NRXN3: variants seen among roughly 807,000 people sequenced by gnomAD.
NRXN3 encodes the protein neurexin 3.
In NRXN3, 32 loss-of-function variants were observed where a neutral mutation model predicts 137.6. The observed-to-expected ratio is 0.23, with a 90% confidence interval of 0.18 to 0.31. The LOEUF (loss-of-function observed/expected upper bound fraction) is 0.31, where lower values mean the gene tolerates loss of function less well. Ranked by LOEUF, NRXN3 falls within the 10% of genes least tolerant of loss-of-function variation. The pLI, the probability that NRXN3 is intolerant of heterozygous loss-of-function variation, is 1.00. For synonymous variants in NRXN3, 798 were observed against 784.5 expected (o/e 1.02, Z -0.29); for missense variants, 1,574 against 2,062.5 (o/e 0.76, Z 4.59).
chr14:79,716,194 G>T (rs553484506), intron 19 of NRXN3, among the ~76,000 whole-genome samples: 3 of 152,298 alleles, frequency 2.0e-5, no homozygotes, highest in Admixed American at 1.3e-4. Context: ...CAAAGGTGCA[G>T]ATCCCCTTAG....
At chr14:79,846,661 A>C (rs1231269759) in intron 20 of NRXN3, among the ~76,000 whole-genome samples, 1 of 152,184 alleles carries the variant, frequency 6.6e-6, no homozygotes, top group African/African-American at 2.4e-5. Context: ...ATTCTATCCC[A>C]AAATCTCTAT....
intron 16 of NRXN3, among the ~76,000 whole-genome samples, chr14:79,547,746 C>T (rs533956184): frequency 6.6e-6 from 1 of 152,114 alleles, no homozygotes; most frequent in Non-Finnish European, 1.5e-5. Flanking sequence ...CATTGGGAGG[C>T]TTATAAATTT....
At chr14:79,271,445 TTTCCC>T (rs2079296675) in intron 15 of NRXN3, among the ~76,000 whole-genome samples, 2 of 143,246 alleles carry the variant, frequency 1.4e-5, no homozygotes, top group Admixed American at 6.9e-5. Context: ...TTCCCCTTTT[TTTCCC>T]TTCCCTTCCC....
chr14:78,591,464 C>T (rs901956847), intron 4 of NRXN3, among the ~76,000 whole-genome samples: 2 of 152,040 alleles, frequency 1.3e-5, no homozygotes, highest in African/African-American at 4.8e-5. Flanking sequence ...GACCTGAGCT[C>T]TAGCCCCAGC....
chr14:79,385,921 A>ACT (rs1050545967), intron 15 of NRXN3, among the ~76,000 whole-genome samples: 2 of 151,880 alleles, frequency 1.3e-5, no homozygotes, highest in African/African-American at 4.8e-5. Flanking sequence ...CATGCTAAAA[A>ACT]CTCAATAAAT....
intron 4 of NRXN3, among the ~76,000 whole-genome samples, chr14:78,344,728 TATC>T (rs2153585065): frequency 6.6e-6 from 1 of 152,346 alleles, no homozygotes; most frequent in Admixed American, 6.5e-5. Context: ...CGACATTGCT[TATC>T]ATCCTGTTCA....
intron 15 of NRXN3, among the ~76,000 whole-genome samples, chr14:79,383,103 T>C (rs923261949): frequency 1.3e-5 from 2 of 152,096 alleles, no homozygotes; most frequent in African/African-American, 2.4e-5. Context: ...CTCTTGTTTC[T>C]TCTATTTCTA....
At chr14:79,824,121 C>T (rs1019138407) in intron 20 of NRXN3, among the ~76,000 whole-genome samples, 3 of 152,176 alleles carry the variant, frequency 2.0e-5, no homozygotes, top group Non-Finnish European at 4.4e-5. Context: ...CAGTTCTCAT[C>T]TGTACATCTG....
chr14:79,538,921 C>T (rs2097243293), intron 16 of NRXN3, among the ~76,000 whole-genome samples: 1 of 152,210 alleles, frequency 6.6e-6, no homozygotes, highest in African/African-American at 2.4e-5. Context: ...AAGCATTTAA[C>T]ATGCAATTAT....
At chr14:79,827,129 A>G (rs1004610034) in intron 20 of NRXN3, among the ~76,000 whole-genome samples, 2 of 152,226 alleles carry the variant, frequency 1.3e-5, no homozygotes, top group Non-Finnish European at 2.9e-5. Context: ...AGTGGGGGAC[A>G]CTGTCATGTA....
At chr14:78,207,827 T>A (rs1260216942) in intron 1 of NRXN3, among the ~76,000 whole-genome samples, 1 of 152,256 alleles carries the variant, frequency 6.6e-6, no homozygotes, top group African/African-American at 2.4e-5. Context: ...GGTGCCTTCT[T>A]GGGGGGTCTT....
intron 15 of NRXN3, among the ~76,000 whole-genome samples, chr14:79,013,168 G>T (rs565909502): frequency 6.6e-6 from 1 of 152,162 alleles, no homozygotes; most frequent in South Asian, 2.1e-4. Flanking sequence ...ATTCAGAAAG[G>T]GTTCTGGAAT....
intron 5 of NRXN3, among the ~76,000 whole-genome samples, chr14:78,649,923 C>T (rs1313659490): frequency 6.6e-6 from 1 of 152,110 alleles, no homozygotes; most frequent in Non-Finnish European, 1.5e-5. Context: ...GTTCCTGTCT[C>T]GTGAATTTTC....
chr14:78,797,106 C>T (rs1328938939), intron 8 of NRXN3, among the ~76,000 whole-genome samples: 6 of 152,074 alleles, frequency 3.9e-5, no homozygotes, highest in African/African-American at 7.2e-5. Flanking sequence ...TTGATACACT[C>T]ACAGGAAGGC....
chr14:79,580,166 A>G (rs943242128), intron 16 of NRXN3, among the ~76,000 whole-genome samples: 3 of 152,070 alleles, frequency 2.0e-5, no homozygotes, highest in Non-Finnish European at 2.9e-5. Flanking sequence ...TATATCACAT[A>G]TTTTCCTTAT....
chr14:78,495,442 A>G (rs1414659425), intron 4 of NRXN3, among the ~76,000 whole-genome samples: 2 of 152,138 alleles, frequency 1.3e-5, no homozygotes, highest in South Asian at 4.1e-4. Flanking sequence ...ATCAGAGCAG[A>G]AAAAGGGGAA....
At chr14:78,958,653 C>A (rs2099401993) in intron 11 of NRXN3, among the ~76,000 whole-genome samples, 1 of 152,160 alleles carries the variant, frequency 6.6e-6, no homozygotes, top group South Asian at 2.1e-4. Flanking sequence ...TCGCGCCAGG[C>A]CTTACATGCT....
intron 19 of NRXN3, among the ~76,000 whole-genome samples, chr14:79,782,191 T>G (rs992190101): frequency 6.6e-6 from 1 of 152,218 alleles, no homozygotes; most frequent in African/African-American, 2.4e-5. Flanking sequence ...AAGCTTTAAT[T>G]ACAGGTTGAC....
intron 16 of NRXN3, among the ~76,000 whole-genome samples, chr14:79,584,299 T>C (rs1207504167): frequency 6.6e-6 from 1 of 152,160 alleles, no homozygotes; most frequent in African/African-American, 2.4e-5. Flanking sequence ...GGAAAGGATA[T>C]TATGTCAATC....
Sources: gnomAD v4.1 joint callset for allele counts (sites outside exome capture counted in the v4.1 genomes callset) on GRCh38, gnomAD v4.1.1 for gene constraint, MANE v1.5 for transcripts, NCBI Gene and HGNC (gene_info 2026-07-23, HGNC 2026-07-21) for gene names.